DCP2: variants seen among roughly 807,000 people sequenced by gnomAD.
The protein encoded by DCP2 is m7GpppN-mRNA hydrolase.
Under a neutral mutation model 56.1 loss-of-function variants are expected in DCP2, and 30 were observed. That is an observed-to-expected ratio of 0.53 (90% confidence interval 0.40 to 0.73). The LOEUF is 0.73. Ranked by LOEUF, DCP2 falls within the 30% of genes least tolerant of loss-of-function variation. The pLI, the probability that DCP2 is intolerant of heterozygous loss-of-function variation, is 0.00. For synonymous variants in DCP2, 197 were observed against 163.3 expected, an observed-to-expected ratio of 1.21 and a Z score of -1.57; for missense variants, 533 against 502.7, an observed-to-expected ratio of 1.06 and a Z score of -0.58.
In DCP2 at chr5:113,021,002, G is replaced by T. The variant is rs776736955; in HGVS notation, c.*7518G>T. ...TTTTCTGCTACTGTTATTTATCATC[G>T]TAGGTTCTGAGTTGCTCATTGTGGT... On this transcript the variant is annotated 3_prime_UTR_variant, in exon 11 of 11. Coordinates refer to ENST00000389063, the MANE Select transcript of DCP2 (RefSeq NM_152624.6). The T allele has an allele frequency of 6.6e-6, 1 of 152,008 alleles. No individual in the cohort carries two copies. Among genetic ancestry groups the T allele is most frequent in the Non-Finnish European group, 1.5e-5 (1 of 67,964 alleles). 9.4% of individuals were successfully genotyped at this position (152,008 alleles called of 1,614,324 possible).
chr5:112,983,429 C>T (rs561621063), intron 1 of DCP2, among the ~76,000 whole-genome samples: 59 of 152,142 alleles, frequency 3.9e-4, no homozygotes, highest in African/African-American at 1.3e-3. Flanking sequence ...AAAATAGAGA[C>T]GGGGTCTCAC....
At chr5:113,004,256 G>A (rs990461417) in intron 8 of DCP2, among the ~76,000 whole-genome samples, 179 bp downstream of exon 8, 1 of 152,108 alleles carries the variant, frequency 6.6e-6, no homozygotes, top group Non-Finnish European at 1.5e-5. Context: ...TTACAGTTCC[G>A]GTGTAAATCC....
At chr5:113,008,876 T>C (rs1749557993) in intron 9 of DCP2, among the ~76,000 whole-genome samples, 1 of 151,710 alleles carries the variant, frequency 6.6e-6, no homozygotes, top group Non-Finnish European at 1.5e-5. Context: ...ATTGAGTCTC[T>C]CTCTGTCACC....
At chr5:112,980,792 C>CATTGACTTTT (rs1747969888) in intron 1 of DCP2, among the ~76,000 whole-genome samples, 1 of 152,088 alleles carries the variant, frequency 6.6e-6, no homozygotes, top group Non-Finnish European at 1.5e-5. Flanking sequence ...CCTGTTGAGG[C>CATTGACTTTT]ATTGACTTTT....
chr5:112,976,842 C>T lies in DCP2; in HGVS notation c.-92C>T, dbSNP rs745986683. On this transcript the variant is annotated 5_prime_UTR_variant, in exon 1 of 11. Transcript: ENST00000389063. ...TCTCTGCCGCGGCTTCCTCGGCTGC[C>T]AGCTCTCCGGCGAGCCGGAGTCCTA... The T allele has an allele frequency of 3.6e-6, 5 of 1,379,844 alleles. No individual in the cohort carries two copies. The highest frequency in any genetic ancestry group is 1.2e-5 in the South Asian group (1 of 86,422). 85.5% of individuals were successfully genotyped at this position (1,379,844 alleles called of 1,614,324 possible).
In DCP2 at chr5:113,016,840, C is replaced by CTTTTTT. The variant is rs373599829; in HGVS notation, c.*3369_*3374dup. 7 of 122,390 alleles carry CTTTTTT rather than the reference C, an allele frequency of 5.7e-5. 1 individual carries two copies. The highest frequency in any genetic ancestry group is 2.4e-4 in the East Asian group (1 of 4,210). The allele number at this position is 122,390 out of a possible 1,614,324, so 7.6% of individuals were successfully genotyped here. A position where few individuals can be genotyped will look rare whatever the true frequency, so the allele number is the denominator to read the frequency against. ...TTTTCTTACCACAATACCCTCTTGGCTTTTTTTTTTTTTTTTTTGAGATGG... is the reference window on the plus strand; with the variant it reads ...TTTTCTTACCACAATACCCTCTTGGCTTTTTTTTTTTTTTTTTTTTTTTTGAGATGG... On this transcript the variant is annotated 3_prime_UTR_variant, in exon 11 of 11. Transcript: ENST00000389063.
chr5:112,986,418 T>C (rs1281372558), intron 2 of DCP2, among the ~76,000 whole-genome samples: 5 of 152,072 alleles, frequency 3.3e-5, no homozygotes, highest in Admixed American at 2.0e-4. Flanking sequence ...GCTTACTGTA[T>C]TCTCGAGCTC....
At chr5:112,984,724 A>ATATATATATATATATATATATATT in intron 1 of DCP2, 1 of 135,656 alleles carries the variant, frequency 7.4e-6, no homozygotes, top group Non-Finnish European at 1.6e-5. Context: ...ATATATATAT[A>ATATATATATATATATATATATATT]TTTGAGACAG....
Position 113,014,969 on chromosome 5 carries a change from G to A in DCP2, c.*1485G>A, listed in dbSNP as rs1749825104. The stretch of plus-strand genomic sequence containing the variant: ...TAGTACTTTGCTTTAGCTTTTAAAT[G>A]GCTTGATTTTAAAGGAGAAATTCTA... On this transcript the variant is annotated 3_prime_UTR_variant, in exon 11 of 11. Coordinates refer to ENST00000389063, the MANE Select transcript of DCP2 (RefSeq NM_152624.6). 1 of 152,592 alleles carries A rather than the reference G, an allele frequency of 6.6e-6. No individual in the cohort carries two copies. The highest frequency in any genetic ancestry group is 1.5e-5 in the Non-Finnish European group (1 of 68,042). The allele number at this position is 152,592 out of a possible 1,614,324, so 9.5% of individuals were successfully genotyped here.
At chr5:112,992,078 G>A in intron 2 of DCP2, 43 bp from the exon 3 acceptor site, 1 of 1,603,368 alleles carries the variant, frequency 6.2e-7, no homozygotes, top group Admixed American at 1.7e-5. Flanking sequence ...AATTTCTCAA[G>A]CCATATTAAA....
chr5:112,983,082 T>A (rs1748085619), intron 1 of DCP2, among the ~76,000 whole-genome samples: 1 of 152,236 alleles, frequency 6.6e-6, no homozygotes, highest in Non-Finnish European at 1.5e-5. Flanking sequence ...AGGTCTTAAA[T>A]GCCATCACAC....
chr5:112,990,216 G>A (rs917674963), intron 2 of DCP2, among the ~76,000 whole-genome samples: 2 of 152,144 alleles, frequency 1.3e-5, no homozygotes, highest in African/African-American at 2.4e-5. Flanking sequence ...TTTGATAAGA[G>A]CATACGTTCT....
chr5:112,984,772 A>G (rs1191418172), intron 1 of DCP2: 3 of 144,822 alleles, frequency 2.1e-5, no homozygotes, highest in Non-Finnish European at 3.0e-5. Flanking sequence ...TGACATGATC[A>G]TAGCCCACTG....
chr5:113,014,847 G>A lies in DCP2; in HGVS notation c.*1363G>A, dbSNP rs1384816971. On this transcript the variant is annotated 3_prime_UTR_variant, in exon 11 of 11. Coordinates refer to ENST00000389063, the MANE Select transcript of DCP2 (RefSeq NM_152624.6). ...TACTTCTCTGCTTATAAATGTTATT[G>A]TAGAAATCTTTATTCTGTGTAGGTA... 1.3e-5 allele frequency: 2 copies of A among 152,586 alleles called. No individual in the cohort carries two copies. The highest frequency in any genetic ancestry group is 4.8e-5 in the African/African-American group (2 of 41,444). The allele number at this position is 152,586 out of a possible 1,614,324, so 9.5% of individuals were successfully genotyped here. A position where few individuals can be genotyped will look rare whatever the true frequency, so the allele number is the denominator to read the frequency against.
chr5:112,999,526 C>G (rs1421547526), intron 4 of DCP2, among the ~76,000 whole-genome samples: 2 of 151,926 alleles, frequency 1.3e-5, no homozygotes, highest in African/African-American at 4.8e-5. Context: ...CGGAGTTTCT[C>G]CATGTTGGTC....
In DCP2 at chr5:113,013,553, G is replaced by C. The variant is rs1247862566; in HGVS notation, c.*69G>C. On this transcript the variant is annotated 3_prime_UTR_variant, in exon 11 of 11. Coordinates refer to ENST00000389063, the MANE Select transcript of DCP2 (RefSeq NM_152624.6). ...TGAATTTGAGTGGGTGTCTCCTCAA[G>C]CCTTACCTTTCTCAGGTGTTTTAAA... The C allele has an allele frequency of 1.5e-5, 24 of 1,548,590 alleles. No homozygotes were observed. The highest frequency in any genetic ancestry group is 1.9e-5 in the Non-Finnish European group (22 of 1,139,036).
At position 112,986,753 on chromosome 5, in the gene DCP2, C is replaced by A. The variant is rs149075673; in HGVS notation, c.205+767C>A. Among the ~76,000 whole-genome samples, 541 of 152,276 alleles carry A rather than the reference C, an allele frequency of 3.6e-3. 2 individuals carry two copies. The highest frequency in any genetic ancestry group is 0.013 in the African/African-American group (529 of 41,572). Reference sequence around the variant, plus strand: ...GTGGCTCACACCTATAATCCCAGTACTTTTGAGAGGCCGAGACTGGTGGAT... The same window carrying A: ...GTGGCTCACACCTATAATCCCAGTAATTTTGAGAGGCCGAGACTGGTGGAT... On this transcript the variant is annotated intron_variant, in intron 2 of 10. Transcript: ENST00000389063.
chr5:112,987,368 A>C (rs1748340937), intron 2 of DCP2, among the ~76,000 whole-genome samples: 2 of 152,208 alleles, frequency 1.3e-5, no homozygotes, highest in Admixed American at 1.3e-4. Context: ...CCATAATAGC[A>C]GATATGGTTG....
intron 7 of DCP2, among the ~76,000 whole-genome samples, chr5:113,003,011 G>A (rs1321687180): frequency 1.3e-5 from 2 of 152,206 alleles, no homozygotes; most frequent in Non-Finnish European, 2.9e-5. Context: ...TTATGACAGA[G>A]CTTCAGAAAT....
Sources: allele counts gnomAD v4.1 joint callset (sites outside exome capture counted in the v4.1 genomes callset), GRCh38; gene constraint gnomAD v4.1.1; transcripts MANE v1.5; gene names NCBI Gene and HGNC (gene_info 2026-07-23, HGNC 2026-07-21).